INTU: variants seen among roughly 807,000 people sequenced by gnomAD.
INTU encodes inturned planar cell polarity protein, also known as protein inturned.
In INTU, 68 loss-of-function variants were observed where a neutral mutation model predicts 100.5. The ratio of observed to expected loss-of-function variants is 0.68; its 90% confidence interval spans 0.56 to 0.83. INTU has a LOEUF of 0.83. INTU is among the 40% of genes least tolerant of loss of function. The pLI is 0.00. For missense variants in INTU, 1,071 were observed against 1,114.7 expected, an observed-to-expected ratio of 0.96 and a Z score of 0.56; for synonymous variants, 357 against 395.7, an observed-to-expected ratio of 0.90 and a Z score of 1.16.
chr4:127,656,515 C>G lies in INTU; in HGVS notation c.683-121C>G, dbSNP rs991755509. The G allele has an allele frequency of 9.2e-6, 6 of 653,674 alleles. No homozygotes were observed. The African/African-American group carries it at 1.1e-4, about 12-fold the overall frequency. 40.5% of individuals were successfully genotyped at this position (653,674 alleles called of 1,614,324 possible). ...TAAACCTGGACAAGTTCCTGCTTGT[C>G]TGCACCAGATTTCTCACTGTACTTT... On this transcript the variant is annotated intron_variant, in intron 2 of 15. Coordinates refer to ENST00000335251, the MANE Select transcript of INTU (RefSeq NM_015693.4).
chr4:127,705,840 G>T, intron 11 of INTU, 28 bp downstream of exon 11: 1 of 1,565,022 alleles, frequency 6.4e-7, no homozygotes, highest in Non-Finnish European at 8.7e-7. Flanking sequence ...TCTTTCTTAG[G>T]ATTTTTCTTC....
At chr4:127,672,663 T>A (rs4550948) in intron 5 of INTU, among the ~76,000 whole-genome samples, 5,909 of 152,120 alleles carry the variant, frequency 0.039, 390 homozygotes, top group African/African-American at 0.14. Context: ...GTGTATCTTT[T>A]GTTGCATACA....
At chr4:127,667,227 G>C (rs1159911823) in intron 4 of INTU, among the ~76,000 whole-genome samples, 1 of 151,850 alleles carries the variant, frequency 6.6e-6, no homozygotes, top group East Asian at 1.9e-4. Context: ...TTTCTCAAAA[G>C]AACAGGTTTC....
intron 2 of INTU, among the ~76,000 whole-genome samples, chr4:127,654,582 C>T (rs946893014): frequency 3.9e-5 from 6 of 152,052 alleles, no homozygotes; most frequent in African/African-American, 1.2e-4. Flanking sequence ...GGGTTTCTGC[C>T]GAGAGACCCG....
At chr4:127,710,316 T>C (rs1439157820) in intron 13 of INTU, among the ~76,000 whole-genome samples, 1 of 151,928 alleles carries the variant, frequency 6.6e-6, no homozygotes, top group Non-Finnish European at 1.5e-5. Context: ...TCCTAACCTT[T>C]TATGCACCTA....
chr4:127,670,775 A>G (rs1486432210), intron 5 of INTU, among the ~76,000 whole-genome samples: 3 of 152,060 alleles, frequency 2.0e-5, no homozygotes, highest in Admixed American at 6.6e-5. Flanking sequence ...ACATAGATCA[A>G]TGGAACAGAA....
In INTU at chr4:127,683,268, T is replaced by C. The variant is rs41346944; in HGVS notation, c.1182-1141T>C. 1.0e-2 allele frequency among the ~76,000 whole-genome samples: 1,517 copies of C among 152,326 alleles called. 20 individuals carry two copies. The highest frequency in any genetic ancestry group is 0.034 in the African/African-American group (1,412 of 41,576). ...ATCCCCTTTATTCTCTTTCCTGAGCTTCCAGTGAAAAGTAAGCTTGAGCCA... is the reference window on the plus strand; with the variant it reads ...ATCCCCTTTATTCTCTTTCCTGAGCCTCCAGTGAAAAGTAAGCTTGAGCCA... On this transcript the variant is annotated intron_variant, in intron 6 of 15. Transcript: ENST00000335251.
Position 127,643,812 on chromosome 4 carries a change from C to T in INTU, c.438C>T (p.Ser146=), listed in dbSNP as rs770991630. Residue 146 remains serine, a synonymous_variant, in exon 2 of 16, where the codon TCC becomes TCT. Transcript: ENST00000335251. ...CAGTATCCATTCTAAAGCATCAGTCCAATCAGAAGACAGGAGTCATTGTCC... is the reference window on the plus strand; with the variant it reads ...CAGTATCCATTCTAAAGCATCAGTCTAATCAGAAGACAGGAGTCATTGTCC... The part of the protein sequence containing the change: ...NGPVSILKHQ[S]NQKTGVIVQQ... 3 of 1,613,934 alleles carry T rather than the reference C, an allele frequency of 1.9e-6. No homozygotes were observed. The highest frequency in any genetic ancestry group is 1.7e-6 in the Non-Finnish European group (2 of 1,180,004).
intron 1 of INTU, among the ~76,000 whole-genome samples, chr4:127,642,858 T>C (rs988359167): frequency 2.4e-4 from 36 of 152,078 alleles, no homozygotes; most frequent in Non-Finnish European, 3.4e-4. Context: ...CTTTTTTTTT[T>C]CTACTACAAT....
At position 127,663,603 on chromosome 4, in the gene INTU, C is replaced by T; in HGVS notation, c.972+19C>T. 1.2e-6 allele frequency: 2 copies of T among 1,602,078 alleles called. No homozygotes were observed. Among genetic ancestry groups the T allele is most frequent in the South Asian group, 2.2e-5 (2 of 89,740 alleles). On this transcript the variant is annotated intron_variant, in intron 4 of 15. Transcript: ENST00000335251. ...GGAAGAGGTGAGTGTCCTCAAAAGTCCAAAGGAAATAAGTTTAGTCAAAAG... is the reference window on the plus strand; with the variant it reads ...GGAAGAGGTGAGTGTCCTCAAAAGTTCAAAGGAAATAAGTTTAGTCAAAAG...
chr4:127,719,134 T>C lies in INTU; in HGVS notation c.*2698T>C, dbSNP rs942893217. 1 of 152,210 alleles carries C rather than the reference T, an allele frequency of 6.6e-6. No homozygotes were observed. Among genetic ancestry groups the C allele is most frequent in the Non-Finnish European group, 1.5e-5 (1 of 68,038 alleles). 9.4% of individuals were successfully genotyped at this position (152,210 alleles called of 1,614,324 possible). ...GCTGTGAGTCTGTCATAAATGGCTCTTATTATTTTGAAGTATGTTCCTTCA... is the reference window on the plus strand; with the variant it reads ...GCTGTGAGTCTGTCATAAATGGCTCCTATTATTTTGAAGTATGTTCCTTCA... On this transcript the variant is annotated 3_prime_UTR_variant, in exon 16 of 16. Transcript: ENST00000335251.
Position 127,725,345 on chromosome 4 carries a change from C to G in INTU, c.*8909C>G, listed in dbSNP as rs1238302862. ...GCTTGAAATACCTTCCCCTTAAGAT[C>G]ACAATATTGTCATATGCTACCATTT... On this transcript the variant is annotated 3_prime_UTR_variant, in exon 16 of 16. Transcript: ENST00000335251. 6.6e-6 allele frequency: 1 copy of G among 151,996 alleles called. No homozygotes were observed. Among genetic ancestry groups the G allele is most frequent in the Non-Finnish European group, 1.5e-5 (1 of 67,998 alleles). The allele number at this position is 151,996 out of a possible 1,614,324, so 9.4% of individuals were successfully genotyped here.
chr4:127,669,038 G>A lies in INTU; in HGVS notation c.975G>A (p.Gln325=). ...TGATCATTTGTTTCATTTAACAGCA[G>A]GAAATTCTTTATCATTATCCAATGT... is the stretch of plus-strand genomic sequence containing the variant. ...QLDSETSKEE[Q]EILYHYPMSE... Residue 325 remains glutamine (Q), a splice_region_variant and synonymous_variant, in exon 5 of 16, where the codon CAG becomes CAA. Coordinates refer to ENST00000335251, the MANE Select transcript of INTU (RefSeq NM_015693.4). The A allele has an allele frequency of 3.6e-6, 5 of 1,403,364 alleles. No individual in the cohort carries two copies. Among genetic ancestry groups the A allele is most frequent in the Non-Finnish European group, 4.9e-6 (5 of 1,021,794 alleles). 86.9% of individuals were successfully genotyped at this position (1,403,364 alleles called of 1,614,324 possible). A position where few individuals can be genotyped will look rare whatever the true frequency, so the allele number is the denominator to read the frequency against.
chr4:127,673,369 G>C (rs13107018), intron 5 of INTU, among the ~76,000 whole-genome samples: 1 of 144,368 alleles, frequency 6.9e-6, no homozygotes, highest in East Asian at 2.0e-4. Flanking sequence ...TTTTTTTTAA[G>C]AGATGCGGTC....
chr4:127,640,871 A>G (rs1727301052), intron 1 of INTU, among the ~76,000 whole-genome samples: 1 of 152,154 alleles, frequency 6.6e-6, no homozygotes, highest in East Asian at 1.9e-4. Context: ...TGGATTTTTT[A>G]ACAGTGTTCA....
chr4:127,704,484 C>T (rs1214030502), intron 10 of INTU, among the ~76,000 whole-genome samples, 194 bp downstream of exon 10: 1 of 152,156 alleles, frequency 6.6e-6, no homozygotes, highest in African/African-American at 2.4e-5. Flanking sequence ...ACAATCATAG[C>T]TCACTGCAAC....
intron 8 of INTU, among the ~76,000 whole-genome samples, chr4:127,695,493 G>A (rs1040417314): frequency 6.6e-6 from 1 of 152,180 alleles, no homozygotes; most frequent in Admixed American, 6.5e-5. Flanking sequence ...TATAGTGTCA[G>A]CTACTCAGGA....
chr4:127,698,031 A>G (rs1389223369), intron 8 of INTU, among the ~76,000 whole-genome samples: 2 of 152,284 alleles, frequency 1.3e-5, no homozygotes, highest in East Asian at 1.9e-4. Flanking sequence ...GAGGCAGGAG[A>G]ATCACTTGAA....
At chr4:127,696,281 T>G (rs1230593268) in intron 8 of INTU, among the ~76,000 whole-genome samples, 1 of 152,200 alleles carries the variant, frequency 6.6e-6, no homozygotes, top group African/African-American at 2.4e-5. Flanking sequence ...GTATAATTTC[T>G]TACTTAAATG....
Sources: allele counts gnomAD v4.1 joint callset (sites outside exome capture counted in the v4.1 genomes callset), GRCh38; gene constraint gnomAD v4.1.1; transcripts MANE v1.5; gene names NCBI Gene and HGNC (gene_info 2026-07-23, HGNC 2026-07-21).